RGSL1: variants seen among roughly 807,000 people sequenced by gnomAD.
The protein encoded by RGSL1 is regulator of G protein signaling like 1.
A neutral mutation model predicts 124.7 loss-of-function variants in RGSL1; 97 were observed. That is an observed-to-expected ratio of 0.78 (90% CI 0.66 to 0.92). The LOEUF is 0.92. RGSL1 is among the 40% of genes least tolerant of loss of function. RGSL1 has a pLI of 0.00. For synonymous variants in RGSL1, 424 were observed against 438.1 expected (o/e 0.97, Z 0.40); for missense variants, 1,233 against 1,288.4 (o/e 0.96, Z 0.66).
At chr1:182,526,339 A>G (rs1658738015) in intron 10 of RGSL1, among the ~76,000 whole-genome samples, 1 of 152,182 alleles carries the variant, frequency 6.6e-6, no homozygotes. Context: ...AAAACCTTCA[A>G]TACAATATTA....
intron 3 of RGSL1, among the ~76,000 whole-genome samples, chr1:182,459,642 T>C (rs1161424811): frequency 6.6e-6 from 1 of 152,244 alleles, no homozygotes; most frequent in South Asian, 2.1e-4. Flanking sequence ...AAGAAGCAAG[T>C]TGAATAGAGT....
At chr1:182,550,755 G>A (rs1196636375) in intron 17 of RGSL1, 1 of 220,298 alleles carries the variant, frequency 4.5e-6, no homozygotes, top group Non-Finnish European at 8.9e-6. Flanking sequence ...GGTGGGGTTA[G>A]ATAGGGATGT....
intron 2 of RGSL1, among the ~76,000 whole-genome samples, chr1:182,456,630 A>G (rs1399759886): frequency 6.6e-6 from 1 of 152,280 alleles, no homozygotes; most frequent in South Asian, 2.1e-4. Flanking sequence ...TAATCAGTCA[A>G]TTCACCAACA....
At chr1:182,540,546 C>G in intron 15 of RGSL1, 125 bp downstream of exon 15, 1 of 726,020 alleles carries the variant, frequency 1.4e-6, no homozygotes, top group Non-Finnish European at 2.0e-6. Flanking sequence ...AAGAGTCTCT[C>G]CTTCTGAAAA....
intron 19 of RGSL1, among the ~76,000 whole-genome samples, chr1:182,553,833 C>T (rs1660708782): frequency 6.6e-6 from 1 of 152,116 alleles, no homozygotes; most frequent in African/African-American, 2.4e-5. Flanking sequence ...CTGCTGACTC[C>T]TCTTCTCATT....
chr1:182,481,479 C>T lies in RGSL1; in HGVS notation c.1432-6806C>T, dbSNP rs138706526. On this transcript the variant is annotated intron_variant, in intron 6 of 21. Transcript: ENST00000294854. Reference sequence around the variant, plus strand: ...CTTCCCAAAAGAGAAAAACCAGGGACAAGATGGCGTCACTGGTGAATTCCA... The same window carrying T: ...CTTCCCAAAAGAGAAAAACCAGGGATAAGATGGCGTCACTGGTGAATTCCA... Among the ~76,000 whole-genome samples the T allele has an allele frequency of 2.3e-4, 35 of 152,246 alleles. No individual in the cohort carries two copies. The East Asian group carries it at 2.7e-3, about 12-fold the overall frequency.
intron 9 of RGSL1, among the ~76,000 whole-genome samples, chr1:182,510,999 A>G (rs1657407862): frequency 6.6e-6 from 1 of 152,180 alleles, no homozygotes; most frequent in South Asian, 2.1e-4. Flanking sequence ...TTACACAAAA[A>G]GTCTTTGCCC....
rs1455316254 is a variant in RGSL1, at chr1:182,527,701, C to G, written c.2054C>G (p.Thr685Ser). 3 of 1,551,232 alleles carry G rather than the reference C, an allele frequency of 1.9e-6. No individual in the cohort carries two copies. The highest frequency in any genetic ancestry group is 2.6e-6 in the Non-Finnish European group (3 of 1,146,696). The change falls in exon 11 of 22, where the codon ACC becomes AGC. Residue 685 changes from threonine to serine, a missense_variant. Transcript: ENST00000294854. ...GCTGTACAGAAGATCAGTATAGAGACCAATGAAAAGATTTGCAAGTCTCTC... is the reference window on the plus strand; with the variant it reads ...GCTGTACAGAAGATCAGTATAGAGAGCAATGAAAAGATTTGCAAGTCTCTC... ...LTAVQKISIE[T>S]NEKICKSLIE... is the part of the protein sequence containing the mutation.
intron 12 of RGSL1, among the ~76,000 whole-genome samples, 165 bp downstream of exon 12, chr1:182,530,526 G>GACAC (rs1351535181): frequency 1.6e-5 from 1 of 63,900 alleles, no homozygotes; most frequent in African/African-American, 6.0e-5. Flanking sequence ...CTATCTATCT[G>GACAC]ACACACACAC....
rs1228196623 is a variant in RGSL1 at position 182,530,330 on chromosome 1, G to C, written c.2212G>C (p.Gly738Arg). The C allele has an allele frequency of 6.4e-7, 1 of 1,550,694 alleles. No homozygotes were observed. Among genetic ancestry groups the C allele is most frequent in the Non-Finnish European group, 8.7e-7 (1 of 1,146,470 alleles). ...VTTSTLLTLQ[G>R]HVMKSIEEKW... ...CACAAGCACACTGTTAACGCTCCAG[G>C]GACATGTTATGAAATCTATAGAAGA... Residue 738 changes from glycine (G) to arginine (R), a missense_variant, in exon 12 of 22, where the codon GGA becomes CGA. Gly to Arg is a moderately radical substitution (Grantham distance 125). Transcript: ENST00000294854.
At chr1:182,531,005 C>G in intron 13 of RGSL1, 95 bp downstream of exon 13, 1 of 1,378,212 alleles carries the variant, frequency 7.3e-7, no homozygotes, top group Non-Finnish European at 9.8e-7. Flanking sequence ...AAGGAAGAAT[C>G]TGAGACTCAG....
intron 20 of RGSL1, chr1:182,554,944 A>G (rs1428195065): frequency 2.0e-6 from 1 of 512,520 alleles, no homozygotes; most frequent in South Asian, 2.7e-5. Context: ...TTTCAGTAGA[A>G]CAATACTGCT....
intron 9 of RGSL1, among the ~76,000 whole-genome samples, chr1:182,508,290 GTTTT>G (rs58641894): frequency 4.5e-4 from 24 of 53,782 alleles, no homozygotes; most frequent in Admixed American, 2.5e-3. Flanking sequence ...TGGTGGTGGT[GTTTT>G]TTTTTTTTTT....
In RGSL1 at chr1:182,473,578, C is replaced by G. The variant is rs1002102060; in HGVS notation, c.467C>G (p.Ser156Cys). 3.3e-6 allele frequency: 5 copies of G among 1,529,452 alleles called. No homozygotes were observed. The African/African-American group carries it at 5.5e-5, about 17-fold the overall frequency. The allele number at this position is 1,529,452 out of a possible 1,614,324, so 94.7% of individuals were successfully genotyped here. The change falls in exon 6 of 22, where the codon TCC becomes TGC. Residue 156 changes from serine to cysteine, a missense_variant. Transcript: ENST00000294854. ...GATTTCTCTGTATTATTTCCAGAGT[C>G]CCTCCTGAACCTCTCCATCTGGCAT... ...VVTLCNMNIK[S>C]LLNLSIWHPN...
rs112738774 is a variant in RGSL1, at chr1:182,529,776, G to A, written c.2126-468G>A. On this transcript the variant is annotated intron_variant, in intron 11 of 21. Transcript: ENST00000294854. ...TTGAATGAGCTAGAAGAGGAAGAGT[G>A]TCCAGATCCTATCTTTGATTATTTT... Among the ~76,000 whole-genome samples, 1,131 of 152,248 alleles carry A rather than the reference G, an allele frequency of 7.4e-3. 14 individuals are homozygous for A. Among genetic ancestry groups the A allele is most frequent in the Middle Eastern group, 0.031 (9 of 294 alleles).
At chr1:182,481,609 A>C (rs1654712929) in intron 6 of RGSL1, among the ~76,000 whole-genome samples, 1 of 152,230 alleles carries the variant, frequency 6.6e-6, no homozygotes, top group Non-Finnish European at 1.5e-5. Context: ...CTCTGACACC[A>C]AAGCCAGACA....
Position 182,474,109 on chromosome 1 carries a change from C to A in RGSL1, c.998C>A (p.Pro333His). 5 of 1,551,866 alleles carry A rather than the reference C, an allele frequency of 3.2e-6. No homozygotes were observed. Among genetic ancestry groups the A allele is most frequent in the Non-Finnish European group, 3.5e-6 (4 of 1,147,022 alleles). ...AAGAGCCACCTCCACATGGAAGCCC[C>A]CTTTGAGACAAAGGTCTCTACCCAC... Reference protein sequence around the residue: ...KAKSHLHMEAPFETKVSTHLR... With the variant: ...KAKSHLHMEAHFETKVSTHLR... Residue 333 changes from proline to histidine, a missense_variant, in exon 6 of 22, where the codon CCC (proline) becomes CAC (histidine). Transcript: ENST00000294854.
At chr1:182,455,963 A>T (rs1652285677) in intron 2 of RGSL1, among the ~76,000 whole-genome samples, 1 of 152,232 alleles carries the variant, frequency 6.6e-6, no homozygotes, top group South Asian at 2.1e-4. Context: ...GGAGACCTTA[A>T]TGGAGGAAGG....
intron 9 of RGSL1, among the ~76,000 whole-genome samples, chr1:182,513,360 G>A (rs1356847921): frequency 6.6e-6 from 1 of 152,154 alleles, no homozygotes; most frequent in Non-Finnish European, 1.5e-5. Context: ...GATGTCCTAG[G>A]TGAGAGAGAA....
Sources: allele counts gnomAD v4.1 joint callset (sites outside exome capture counted in the v4.1 genomes callset), GRCh38; gene constraint gnomAD v4.1.1; transcripts MANE v1.5; gene names NCBI Gene and HGNC (gene_info 2026-07-23, HGNC 2026-07-21).